Variants in BAIAP2L2 observed in about 807,000 individuals in gnomAD.
BAIAP2L2 encodes BAR/IMD domain-containing adapter protein 2-like 2.
BAIAP2L2 carries 65 observed loss-of-function variants against 60.4 expected under a neutral mutation model. That is an observed-to-expected ratio of 1.08 (90% CI 0.88 to 1.32). The LOEUF (loss-of-function observed/expected upper bound fraction) is 1.32. Among genes scored for constraint, BAIAP2L2 ranks in the 40% most tolerant of loss-of-function variants. The probability of loss-of-function intolerance (pLI) is 0.00; values close to 1 mark genes in which losing one functional copy is unlikely to be tolerated. For synonymous variants in BAIAP2L2, 344 were observed against 301.7 expected (o/e 1.14, Z -1.45); for missense variants, 836 against 741.2 (o/e 1.13, Z -1.48).
intron 7 of BAIAP2L2, 48 bp downstream of exon 7, chr22:38,096,984 G>A (rs1349752303): frequency 5.1e-6 from 8 of 1,573,496 alleles, no homozygotes; most frequent in Non-Finnish European, 6.9e-6. Context: ...ACTCAGGAGG[G>A]GGCAGCTCCT....
In BAIAP2L2 at chr22:38,110,682, G is replaced by A. The variant is rs1330171316; in HGVS notation, c.-157C>T. 7 of 587,370 alleles carry A rather than the reference G, an allele frequency of 1.2e-5. No homozygotes were observed. Among genetic ancestry groups the A allele is most frequent in the Non-Finnish European group, 1.8e-5 (6 of 334,796 alleles). 36.4% of individuals were successfully genotyped at this position (587,370 alleles called of 1,614,324 possible). A position where few individuals can be genotyped will look rare whatever the true frequency, so the allele number is the denominator to read the frequency against. ...AGATGGAGGCCTGCCTCAGAGGAGT[G>A]GCAGCTTAATTATTCACCAACTCGG... is the stretch of plus-strand genomic sequence containing the variant. On this transcript the variant is annotated 5_prime_UTR_variant, in exon 1 of 14. Transcript: ENST00000381669.
At chr22:38,096,167 A>G (rs2086422084) in intron 7 of BAIAP2L2, among the ~76,000 whole-genome samples, 1 of 152,244 alleles carries the variant, frequency 6.6e-6, no homozygotes, top group African/African-American at 2.4e-5. Flanking sequence ...AATTAAAAGC[A>G]TCAAACTTAA....
intron 4 of BAIAP2L2, among the ~76,000 whole-genome samples, chr22:38,105,130 A>T (rs2086637758): frequency 6.6e-6 from 1 of 151,966 alleles, no homozygotes; most frequent in South Asian, 2.1e-4. Flanking sequence ...TTGGCTCAAG[A>T]CCCTCCGAAG....
At chr22:38,089,761 C>G in intron 7 of BAIAP2L2, 87 bp from the exon 8 acceptor site, 1 of 1,173,510 alleles carries the variant, frequency 8.5e-7, no homozygotes, top group Non-Finnish European at 1.1e-6. Flanking sequence ...GACCTGAGAG[C>G]TCAGGCCCTA....
intron 7 of BAIAP2L2, chr22:38,091,666 TGAAAA>T (rs1366260192): frequency 6.6e-6 from 1 of 152,106 alleles, no homozygotes; most frequent in Non-Finnish European, 1.5e-5. Context: ...CCCATAAACT[TGAAAA>T]GACCGATACA....
Position 38,087,209 on chromosome 22 carries a change from G to GA in BAIAP2L2, c.1173dup (p.Pro392SerfsTer41), listed in dbSNP as rs761445633. The GA allele has an allele frequency of 6.2e-7, 1 of 1,605,432 alleles. No homozygotes were observed. Among genetic ancestry groups the GA allele is most frequent in the Admixed American group, 1.7e-5 (1 of 58,208 alleles). On this transcript the variant is annotated frameshift_variant, in exon 11 of 14. Transcript: ENST00000381669. LOFTEE classifies it high-confidence loss of function. ...GTCATGGGGGTCACGGGGGTCATGG[G>GA]ATTCACGGGCCCCTCCTCCAGAGCC...
At chr22:38,108,126 C>T (rs2145636540) in intron 3 of BAIAP2L2, 129 bp downstream of exon 3, 1 of 1,024,312 alleles carries the variant, frequency 9.8e-7, no homozygotes, top group Non-Finnish European at 1.4e-6. Context: ...GAGCCTGGGC[C>T]CCAGAACAAG....
chr22:38,099,370 C>T (rs560043549), intron 4 of BAIAP2L2, among the ~76,000 whole-genome samples: 1 of 152,040 alleles, frequency 6.6e-6, no homozygotes, highest in Admixed American at 6.6e-5. Context: ...CCCATCTCTA[C>T]TAAAAATGCA....
chr22:38,088,830 A>C lies in BAIAP2L2; in HGVS notation c.1036T>G (p.Phe346Val). 1 of 1,600,080 alleles carries C rather than the reference A, an allele frequency of 6.2e-7. No individual in the cohort carries two copies. The highest frequency in any genetic ancestry group is 1.1e-5 in the South Asian group (1 of 90,968). ...SEGANHTLLR[F>V]SAGDVVEVLV... ...ACCTCCACCACGTCCCCAGCGGAGA[A>C]GCGCAGCAGCGTGTGGTTGGCGCCC... Residue 346 changes from phenylalanine (F) to valine (V), a missense_variant, in exon 10 of 14, where the codon TTC becomes GTC. Physicochemically the swap from Phe to Val is conservative, Grantham distance 50. Transcript: ENST00000381669.
chr22:38,086,512 C>T, intron 11 of BAIAP2L2, 63 bp from the exon 12 acceptor site: 1 of 1,312,012 alleles, frequency 7.6e-7, no homozygotes, highest in Non-Finnish European at 1.0e-6. Context: ...CTTGTCCTGC[C>T]AGTAGCTGGG....
chr22:38,105,560 C>G (rs995175897), intron 4 of BAIAP2L2, among the ~76,000 whole-genome samples: 2 of 152,008 alleles, frequency 1.3e-5, no homozygotes, highest in Non-Finnish European at 2.9e-5. Context: ...CCAGGTTAGT[C>G]TCGAACTCCT....
chr22:38,099,531 C>G (rs1337039336), intron 4 of BAIAP2L2, among the ~76,000 whole-genome samples: 2 of 150,776 alleles, frequency 1.3e-5, no homozygotes, highest in Non-Finnish European at 1.5e-5. Context: ...GAAACTCTGT[C>G]TCAAAAGAAA....
intron 4 of BAIAP2L2, among the ~76,000 whole-genome samples, chr22:38,100,320 G>A (rs1057358490): frequency 1.3e-5 from 2 of 152,062 alleles, no homozygotes; most frequent in Non-Finnish European, 2.9e-5. Context: ...GGGAGGCCGA[G>A]CTTGTGACCA....
At position 38,087,246 on chromosome 22, in the gene BAIAP2L2, C is replaced by T. The variant is rs766836671; in HGVS notation, c.1137G>A (p.Glu379=). Residue 379 remains glutamate, a synonymous_variant, in exon 11 of 14, where the codon GAG becomes GAA. Coordinates refer to ENST00000381669, the MANE Select transcript of BAIAP2L2 (RefSeq NM_025045.6). ...EGSSASGWFP[E]AYVKALEEGP... ...CCTCCTCCAGAGCCTTCACGTACGC[C>T]TCGGGGAACCAACCGCTCCTGTGGG... 1.2e-6 allele frequency: 2 copies of T among 1,606,204 alleles called. No homozygotes were observed. The highest frequency in any genetic ancestry group is 1.7e-5 in the Admixed American group (1 of 58,808).
Position 38,088,859 on chromosome 22 carries a change from G to T in BAIAP2L2, c.1007C>A (p.Ser336Ter). The T allele has an allele frequency of 6.3e-7, 1 of 1,596,194 alleles. No homozygotes were observed. Among genetic ancestry groups the T allele is most frequent in the Non-Finnish European group, 8.5e-7 (1 of 1,178,454 alleles). Residue 336 changes from serine (S) to a stop codon, truncating the protein, a stop_gained, in exon 10 of 14, where the codon TCG (serine) becomes TAG (stop). Transcript: ENST00000381669. LOFTEE classifies it high-confidence loss of function. Reference sequence around the variant, plus strand: ...CAGCAGCGTGTGGTTGGCGCCCTCCGAGTGGGAGACCAGGGCGCGGACTCT... The same window carrying T: ...CAGCAGCGTGTGGTTGGCGCCCTCCTAGTGGGAGACCAGGGCGCGGACTCT... ...ARRVRALVSH[S>*]EGANHTLLRF... is the part of the protein sequence containing the mutation.
At chr22:38,087,776 T>C (rs2086141003) in intron 10 of BAIAP2L2, among the ~76,000 whole-genome samples, 1 of 147,230 alleles carries the variant, frequency 6.8e-6, no homozygotes, top group South Asian at 2.2e-4. Flanking sequence ...CCATCCCCCG[T>C]GTAGCCACGA....
intron 7 of BAIAP2L2, among the ~76,000 whole-genome samples, chr22:38,093,156 A>T (rs1050036346): frequency 1.3e-5 from 2 of 152,104 alleles, no homozygotes; most frequent in African/African-American, 4.8e-5. Flanking sequence ...ACAAGAGCAG[A>T]ACTCCATCTT....
At position 38,109,216 on chromosome 22, in the gene BAIAP2L2, C is replaced by G. The variant is rs1177569353; in HGVS notation, c.52-8G>C. ...AAACTGCTCCATGATGCTCTGGACC[C>G]CAGGGTCAGGGGAGGAAAAAGGTGT... is the stretch of plus-strand genomic sequence containing the variant. On this transcript the variant is annotated splice_region_variant and splice_polypyrimidine_tract_variant and intron_variant, in intron 1 of 13. Coordinates refer to ENST00000381669, the MANE Select transcript of BAIAP2L2 (RefSeq NM_025045.6). The G allele has an allele frequency of 5.6e-6, 9 of 1,608,092 alleles. No homozygotes were observed. Among genetic ancestry groups the G allele is most frequent in the Middle Eastern group, 1.7e-4 (1 of 6,048 alleles).
At chr22:38,088,633 T>C (rs1200605761) in intron 10 of BAIAP2L2, 115 bp downstream of exon 10, 5 of 1,066,908 alleles carry the variant, frequency 4.7e-6, no homozygotes, top group Non-Finnish European at 6.5e-6. Context: ...AGAGGAGCAT[T>C]GTCCGAGGCC....
Sources: gnomAD v4.1 joint callset for allele counts (sites outside exome capture counted in the v4.1 genomes callset) on GRCh38, gnomAD v4.1.1 for gene constraint, MANE v1.5 for transcripts, NCBI Gene and HGNC (gene_info 2026-07-23, HGNC 2026-07-21) for gene names.